The following TMOD3 variants were observed in gnomAD, a reference collection of about 807,000 sequenced individuals.
TMOD3 encodes the protein tropomodulin 3.
A neutral mutation model predicts 39.2 loss-of-function variants in TMOD3; 20 were observed. That is an observed-to-expected ratio of 0.51 (90% CI 0.36 to 0.74). The LOEUF (loss-of-function observed/expected upper bound fraction) is 0.74, where lower values mean the gene tolerates loss of function less well. TMOD3 is among the 30% of genes least tolerant of loss of function. The probability of loss-of-function intolerance (pLI) is 0.00; values close to 1 mark genes in which losing one functional copy is unlikely to be tolerated. For synonymous variants in TMOD3, 143 were observed against 145.8 expected (o/e 0.98, Z 0.14); for missense variants, 381 against 412.8 (o/e 0.92, Z 0.67).
At chr15:51,875,219 C>T (rs2056495959) in intron 3 of TMOD3, 1 of 152,162 alleles carries the variant, frequency 6.6e-6, no homozygotes, top group South Asian at 2.1e-4. Flanking sequence ...CTGCCTACAT[C>T]AAGAGGATTA....
chr15:51,874,406 A>G (rs747652987), intron 3 of TMOD3, among the ~76,000 whole-genome samples: 3 of 152,208 alleles, frequency 2.0e-5, no homozygotes, highest in Admixed American at 6.5e-5. Context: ...ATTTTGTCCT[A>G]TACTGGTGAA....
At position 51,893,800 on chromosome 15, in the gene TMOD3, C is replaced by T. The variant is rs770146892; in HGVS notation, c.497-15C>T. 6.7e-7 allele frequency: 1 copy of T among 1,499,568 alleles called. No individual in the cohort carries two copies. Among genetic ancestry groups the T allele is most frequent in the Non-Finnish European group, 8.9e-7 (1 of 1,120,392 alleles). The allele number at this position is 1,499,568 out of a possible 1,614,324, so 92.9% of individuals were successfully genotyped here. ...AAATGGTATCAAATCCTGCTCTTTT[C>T]ATTTATCACTGCAGATGTGGTCAAA... On this transcript the variant is annotated splice_polypyrimidine_tract_variant and intron_variant, in intron 5 of 9. Transcript: ENST00000308580.
rs985220832 is a variant in TMOD3, at chr15:51,914,805, C to T, written c.*5995C>T. The T allele has an allele frequency of 6.6e-6, 1 of 151,706 alleles. No individual in the cohort carries two copies. The allele number at this position is 151,706 out of a possible 1,614,324, so 9.4% of individuals were successfully genotyped here. On this transcript the variant is annotated 3_prime_UTR_variant, in exon 10 of 10. Transcript: ENST00000308580. ...GGAGCGCAATGGTGCGATCTCAGCT[C>T]ACTGCAACCTCCGCCTCCTGGGTTC...
In TMOD3 at chr15:51,869,179, C is replaced by T. The variant is rs376895282; in HGVS notation, c.127-38C>T. ...TTCGGAAGCATATAGCATTAGCATT[C>T]TTATTGGTCATATTGGCTGATTCAT... On this transcript the variant is annotated intron_variant, in intron 2 of 9. Transcript: ENST00000308580. 2.3e-5 allele frequency: 37 copies of T among 1,601,344 alleles called. No individual in the cohort carries two copies. In the African/African-American group the frequency reaches 5.0e-4, roughly 22 times the overall value.
rs1020471101 is a variant in TMOD3, at chr15:51,909,150, G to A, written c.*340G>A. On this transcript the variant is annotated 3_prime_UTR_variant, in exon 10 of 10. Coordinates refer to ENST00000308580, the MANE Select transcript of TMOD3 (RefSeq NM_014547.5). ...GACCAATCTTTTTTAAATCAAAAGG[G>A]ATGTTGCTGGTATCAGAATTGTTAT... 5 of 191,284 alleles carry A rather than the reference G, an allele frequency of 2.6e-5. No individual in the cohort carries two copies. The highest frequency in any genetic ancestry group is 6.1e-5 in the Admixed American group (1 of 16,428). The allele number at this position is 191,284 out of a possible 1,614,324, so 11.8% of individuals were successfully genotyped here.
Position 51,900,194 on chromosome 15 carries a change from A to G in TMOD3, c.775A>G (p.Ser259Gly), listed in dbSNP as rs1295570829. 6.2e-7 allele frequency: 1 copy of G among 1,614,206 alleles called. No homozygotes were observed. Among genetic ancestry groups the G allele is most frequent in the Non-Finnish European group, 8.5e-7 (1 of 1,180,028 alleles). The change falls in exon 8 of 10, where the codon AGC (serine) becomes GGC (glycine). Residue 259 changes from serine (S) to glycine (G), a missense_variant. Ser to Gly is a moderately conservative substitution (Grantham distance 56). Transcript: ENST00000308580. ...GCTGAAAGTGAACAAAACTTTGAAG[A>G]GCTTAAATGTGGAGTCCAACTTTAT... ...EMLKVNKTLKSLNVESNFITG... is the reference protein window; with the variant it reads ...EMLKVNKTLKGLNVESNFITG...
intron 1 of TMOD3, among the ~76,000 whole-genome samples, chr15:51,845,359 A>T (rs771750392): frequency 6.6e-6 from 1 of 152,232 alleles, no homozygotes; most frequent in Non-Finnish European, 1.5e-5. Context: ...CATCTAGCCC[A>T]GGAAACTAAG....
At position 51,910,546 on chromosome 15, in the gene TMOD3, A is replaced by G. The variant is rs2056705053; in HGVS notation, c.*1736A>G. ...AGCTGAGATCGTACCACTGCACTGC[A>G]GTCTGGGTGACAAAGCAAGACTCTG... On this transcript the variant is annotated 3_prime_UTR_variant, in exon 10 of 10. Coordinates refer to ENST00000308580, the MANE Select transcript of TMOD3 (RefSeq NM_014547.5). 6.6e-6 allele frequency: 1 copy of G among 152,296 alleles called. No homozygotes were observed. The highest frequency in any genetic ancestry group is 2.4e-5 in the African/African-American group (1 of 41,456). The allele number at this position is 152,296 out of a possible 1,614,324, so 9.4% of individuals were successfully genotyped here. A position where few individuals can be genotyped will look rare whatever the true frequency, so the allele number is the denominator to read the frequency against.
chr15:51,867,107 G>A (rs1227550734), intron 2 of TMOD3, among the ~76,000 whole-genome samples: 1 of 152,190 alleles, frequency 6.6e-6, no homozygotes, highest in Non-Finnish European at 1.5e-5. Context: ...AGTGTGACTG[G>A]AATGGAGAGG....
intron 3 of TMOD3, among the ~76,000 whole-genome samples, chr15:51,871,380 GA>G (rs1273960466): frequency 1.3e-5 from 2 of 152,166 alleles, no homozygotes; most frequent in East Asian, 3.8e-4. Flanking sequence ...AATTTTATGA[GA>G]AAAAATACTG....
At chr15:51,885,251 CTT>C (rs2056554032) in intron 3 of TMOD3, among the ~76,000 whole-genome samples, 1 of 143,452 alleles carries the variant, frequency 7.0e-6, no homozygotes, top group Non-Finnish European at 1.5e-5. Context: ...ATGATAAAGT[CTT>C]TAGGTTTCTA....
At chr15:51,837,071 G>GATAT (rs145171773) in intron 1 of TMOD3, among the ~76,000 whole-genome samples, 50,777 of 150,412 alleles carry the variant, frequency 0.34, 9,100 homozygotes, top group Admixed American at 0.43. Flanking sequence ...GGCTGGGTTT[G>GATAT]ATATATATAT....
intron 3 of TMOD3, among the ~76,000 whole-genome samples, chr15:51,884,347 C>T (rs1027458272): frequency 6.6e-6 from 1 of 152,184 alleles, no homozygotes; most frequent in Non-Finnish European, 1.5e-5. Flanking sequence ...AACACATGTG[C>T]AGAATGTCTA....
intron 1 of TMOD3, among the ~76,000 whole-genome samples, chr15:51,853,825 C>G (rs1029366393): frequency 6.6e-6 from 1 of 150,502 alleles, no homozygotes; most frequent in Non-Finnish European, 1.5e-5. Context: ...ATGGCAACAT[C>G]ATTAAGGAAA....
At chr15:51,874,756 G>A (rs1468846230) in intron 3 of TMOD3, among the ~76,000 whole-genome samples, 1 of 152,114 alleles carries the variant, frequency 6.6e-6, no homozygotes, top group Non-Finnish European at 1.5e-5. Context: ...CCTAGACTAA[G>A]AATTTTTTTT....
intron 2 of TMOD3, among the ~76,000 whole-genome samples, chr15:51,867,786 ATCACCTCT>A (rs553228383): frequency 3.8e-4 from 58 of 152,326 alleles, no homozygotes; most frequent in South Asian, 6.2e-4. Context: ...ACAAGGCAGT[ATCACCTCT>A]TTGGCTTTTG....
intron 1 of TMOD3, among the ~76,000 whole-genome samples, chr15:51,837,346 T>C (rs1438142290): frequency 1.3e-5 from 2 of 152,016 alleles, no homozygotes; most frequent in African/African-American, 4.8e-5. Context: ...CGTGACAAGA[T>C]ATGATACAAC....
intron 1 of TMOD3, chr15:51,858,209 T>G (rs1369769252): frequency 6.6e-6 from 1 of 152,082 alleles, no homozygotes; most frequent in Non-Finnish European, 1.5e-5. Context: ...TGTGCTGCCA[T>G]GCCCAGCTAT....
chr15:51,865,193 T>C lies in TMOD3; in HGVS notation c.126+2183T>C, dbSNP rs76433700. On this transcript the variant is annotated intron_variant, in intron 2 of 9. Coordinates refer to ENST00000308580, the MANE Select transcript of TMOD3 (RefSeq NM_014547.5). ...TTTTTGTAGAGACAGGGTCTCGTTATGTTACCCAGACTGAAAAACATAATA... is the reference window on the plus strand; with the variant it reads ...TTTTTGTAGAGACAGGGTCTCGTTACGTTACCCAGACTGAAAAACATAATA... 4.3e-3 allele frequency among the ~76,000 whole-genome samples: 661 copies of C among 152,254 alleles called. 6 individuals carry two copies. Among genetic ancestry groups the C allele is most frequent in the African/African-American group, 0.015 (636 of 41,546 alleles).
Sources: allele counts gnomAD v4.1 joint callset (sites outside exome capture counted in the v4.1 genomes callset), GRCh38; gene constraint gnomAD v4.1.1; transcripts MANE v1.5; gene names NCBI Gene and HGNC (gene_info 2026-07-23, HGNC 2026-07-21).